The following SLC7A14 variants were observed in gnomAD, a reference collection of about 807,000 sequenced individuals.
SLC7A14 encodes solute carrier family 7 member 14.
SLC7A14 carries 37 observed loss-of-function variants against 60.2 expected under a neutral mutation model. The observed-to-expected ratio is 0.61, with a 90% CI of 0.47 to 0.81. SLC7A14 has a LOEUF of 0.81. SLC7A14 is among the 30% of genes least tolerant of loss of function. SLC7A14 has a pLI of 0.00. For missense variants in SLC7A14, 886 were observed against 982.7 expected (o/e 0.90, Z 1.32); for synonymous variants, 399 against 395.8 (o/e 1.01, Z -0.10).
At chr3:170,565,392 G>T (rs2108312258) in intron 1 of SLC7A14, among the ~76,000 whole-genome samples, 2 of 152,306 alleles carry the variant, frequency 1.3e-5, no homozygotes, top group Admixed American at 1.3e-4. Context: ...GCAGGCTAAA[G>T]TTAAATAGAG....
rs1267677673 is a variant in SLC7A14, at chr3:170,462,309, A to T, written c.*4746T>A. 2 of 152,136 alleles carry T rather than the reference A, an allele frequency of 1.3e-5. No individual in the cohort carries two copies. The highest frequency in any genetic ancestry group is 4.8e-5 in the African/African-American group (2 of 41,414). The allele number at this position is 152,136 out of a possible 1,614,324, so 9.4% of individuals were successfully genotyped here. On this transcript the variant is annotated 3_prime_UTR_variant, in exon 8 of 8. Coordinates refer to ENST00000231706, the MANE Select transcript of SLC7A14 (RefSeq NM_020949.3). ...TTTCTTGTAAGGTAGACTTCCAACA[A>T]ATGTTGGATGTCTAACAAATGTTGG...
chr3:170,491,529 G>A (rs1712219990), intron 4 of SLC7A14, among the ~76,000 whole-genome samples: 1 of 152,040 alleles, frequency 6.6e-6, no homozygotes. Context: ...GGAGTATTTA[G>A]GCAGGGTTAA....
intron 1 of SLC7A14, chr3:170,570,536 GGT>G (rs1714919971): frequency 6.6e-6 from 1 of 152,078 alleles, no homozygotes; most frequent in Admixed American, 6.5e-5. Flanking sequence ...TTCTAGGCTT[GGT>G]GCGGTTGGGA....
intron 2 of SLC7A14, among the ~76,000 whole-genome samples, chr3:170,505,378 T>A (rs775042979): frequency 6.6e-6 from 1 of 152,220 alleles, no homozygotes; most frequent in Non-Finnish European, 1.5e-5. Context: ...GCATGCCCCA[T>A]CATTCACATG....
At chr3:170,497,087 CAAAAA>C (rs548290941) in intron 4 of SLC7A14, among the ~76,000 whole-genome samples, 17,946 of 94,306 alleles carry the variant, frequency 0.19, 1,187 homozygotes, top group Admixed American at 0.27. Flanking sequence ...TTATTTTGTC[CAAAAA>C]AAAAAAAAAA....
intron 1 of SLC7A14, among the ~76,000 whole-genome samples, chr3:170,556,134 G>A (rs1185367841): frequency 6.6e-6 from 1 of 152,146 alleles, no homozygotes; most frequent in African/African-American, 2.4e-5. Flanking sequence ...TTCTTCTTTT[G>A]TAAAATGAAG....
At chr3:170,500,473 T>C (rs960770824) in intron 3 of SLC7A14, among the ~76,000 whole-genome samples, 11 of 143,876 alleles carry the variant, frequency 7.6e-5, no homozygotes, top group Non-Finnish European at 1.7e-4. Context: ...AAGGAGTGGA[T>C]GGCAAATGAT....
At chr3:170,581,999 G>A (rs1396173835) in intron 1 of SLC7A14, among the ~76,000 whole-genome samples, 10 of 152,082 alleles carry the variant, frequency 6.6e-5, no homozygotes, top group African/African-American at 9.7e-5. Flanking sequence ...CTTTCAGATT[G>A]TATCTAAGTC....
chr3:170,487,728 T>C (rs1712079369), intron 4 of SLC7A14, among the ~76,000 whole-genome samples: 1 of 152,230 alleles, frequency 6.6e-6, no homozygotes, highest in Admixed American at 6.5e-5. Flanking sequence ...CAGCTAGGAT[T>C]CTAATGTTTC....
chr3:170,531,567 A>G (rs1302835979), intron 1 of SLC7A14, among the ~76,000 whole-genome samples: 1 of 152,204 alleles, frequency 6.6e-6, no homozygotes, highest in Non-Finnish European at 1.5e-5. Context: ...ATTGATGCAA[A>G]CAGGGAGTTG....
At chr3:170,481,392 T>C (rs1317870327) in intron 6 of SLC7A14, among the ~76,000 whole-genome samples, 9 of 41,434 alleles carry the variant, frequency 2.2e-4, no homozygotes, top group Admixed American at 2.1e-3. Flanking sequence ...TTGATTTCTT[T>C]TTTTTTTTTT....
Position 170,467,038 on chromosome 3 carries a change from CCACT to C in SLC7A14, c.*13_*16del. 6.4e-7 allele frequency: 1 copy of C among 1,568,646 alleles called. No individual in the cohort carries two copies. Among genetic ancestry groups the C allele is most frequent in the Non-Finnish European group, 8.7e-7 (1 of 1,154,638 alleles). On this transcript the variant is annotated 3_prime_UTR_variant, in exon 8 of 8. Coordinates refer to ENST00000231706, the MANE Select transcript of SLC7A14 (RefSeq NM_020949.3). ...GAAAATCAGTCATCACCATTTCTAC[CCACT>C]TGTGTGTTTCTCCTACTCTGGAGAG...
intron 1 of SLC7A14, among the ~76,000 whole-genome samples, chr3:170,565,793 C>G (rs947329707): frequency 2.6e-5 from 4 of 152,040 alleles, no homozygotes; most frequent in African/African-American, 9.7e-5. Flanking sequence ...TGAATGACCC[C>G]TTCCCTGCTA....
At chr3:170,566,460 C>G (rs1386148873) in intron 1 of SLC7A14, among the ~76,000 whole-genome samples, 1 of 152,162 alleles carries the variant, frequency 6.6e-6, no homozygotes, top group African/African-American at 2.4e-5. Flanking sequence ...AAAATGGGCC[C>G]TGATTCTATA....
At chr3:170,487,955 T>TGCAGA (rs1464597923) in intron 4 of SLC7A14, among the ~76,000 whole-genome samples, 3 of 152,348 alleles carry the variant, frequency 2.0e-5, no homozygotes, top group South Asian at 4.1e-4. Context: ...GCAGAGATCT[T>TGCAGA]GAAATATCAC....
chr3:170,496,383 CA>C (rs1712395140), intron 4 of SLC7A14: 2 of 1,423,686 alleles, frequency 1.4e-6, no homozygotes. Flanking sequence ...CAGCCGGCTC[CA>C]GGCTGAGATT....
At chr3:170,566,073 T>C (rs557253950) in intron 1 of SLC7A14, among the ~76,000 whole-genome samples, 11 of 152,160 alleles carry the variant, frequency 7.2e-5, no homozygotes, top group Non-Finnish European at 1.3e-4. Flanking sequence ...TTCTGTCTTA[T>C]AGAAGAGGAA....
At chr3:170,555,553 C>T (rs1714463562) in intron 1 of SLC7A14, among the ~76,000 whole-genome samples, 1 of 152,150 alleles carries the variant, frequency 6.6e-6, no homozygotes. Flanking sequence ...ACTGTGCAAG[C>T]CTCATAGAGT....
At chr3:170,496,237 A>G in intron 4 of SLC7A14, 1 of 927,584 alleles carries the variant, frequency 1.1e-6, no homozygotes, top group South Asian at 1.3e-5. Flanking sequence ...CAGTAGGAGG[A>G]GATCGCCAAC....
Sources: gnomAD v4.1 joint callset for allele counts (sites outside exome capture counted in the v4.1 genomes callset) on GRCh38, gnomAD v4.1.1 for gene constraint, MANE v1.5 for transcripts, NCBI Gene and HGNC (gene_info 2026-07-23, HGNC 2026-07-21) for gene names.